COG5: variants seen among roughly 807,000 people sequenced by gnomAD.
COG5 encodes the protein conserved oligomeric Golgi complex subunit 5.
A neutral mutation model predicts 110.4 loss-of-function variants in COG5; 86 were observed. The observed-to-expected ratio is 0.78, with a 90% CI of 0.65 to 0.93. The LOEUF (loss-of-function observed/expected upper bound fraction) is 0.93, where lower values mean the gene tolerates loss of function less well. Ranked by LOEUF, COG5 falls within the 40% of genes least tolerant of loss-of-function variation. The pLI is 0.00. For missense variants in COG5, 1,077 were observed against 987.0 expected (o/e 1.09, Z -1.22); for synonymous variants, 360 against 334.6 (o/e 1.08, Z -0.83).
chr7:107,383,309 T>C (rs1815290641), intron 7 of COG5, among the ~76,000 whole-genome samples: 2 of 151,086 alleles, frequency 1.3e-5, no homozygotes, highest in South Asian at 4.2e-4. Flanking sequence ...GTCAAAGCCC[T>C]AGGAAAGAAA....
chr7:107,284,220 G>A (rs983914987), intron 12 of COG5, among the ~76,000 whole-genome samples: 7 of 152,224 alleles, frequency 4.6e-5, no homozygotes, highest in Admixed American at 6.5e-5. Context: ...AACCGTGCCC[G>A]GCCTATATTA....
intron 19 of COG5, among the ~76,000 whole-genome samples, chr7:107,216,340 C>A (rs1223576511): frequency 2.0e-5 from 3 of 152,170 alleles, no homozygotes; most frequent in Admixed American, 1.3e-4. Context: ...AACGGCAGAT[C>A]ATCCAGATAG....
chr7:107,509,098 T>C lies in COG5; in HGVS notation c.538+18139A>G, dbSNP rs185644339. 7.2e-5 allele frequency among the ~76,000 whole-genome samples: 11 copies of C among 152,124 alleles called. No individual in the cohort carries two copies. In the East Asian group the frequency reaches 9.7e-4, roughly 13 times the overall value. The stretch of plus-strand genomic sequence containing the variant: ...AAGGCTTCAGAAGATCAAACTACTC[T>C]GAGCTAAAGGAGAAAGTTCGAACCA... On this transcript the variant is annotated intron_variant, in intron 6 of 21. Transcript: ENST00000297135.
intron 6 of COG5, among the ~76,000 whole-genome samples, chr7:107,478,572 C>T (rs1797125834): frequency 1.3e-5 from 2 of 151,772 alleles, no homozygotes; most frequent in Non-Finnish European, 2.9e-5. Context: ...AATTGTACTA[C>T]TTTATTATTA....
intron 6 of COG5, among the ~76,000 whole-genome samples, chr7:107,479,253 G>C (rs1797174872): frequency 1.3e-5 from 2 of 152,072 alleles, no homozygotes; most frequent in South Asian, 4.1e-4. Flanking sequence ...TTGTTCTTTG[G>C]AAGAAAGGTA....
chr7:107,236,385 C>A lies in COG5; in HGVS notation c.2091+65G>T, dbSNP rs554645022. Reference sequence around the variant, plus strand: ...TTAAAAACACCGATGAAAACACATTCTTTCATTTAATAGATGATATTGAGG... The same window carrying A: ...TTAAAAACACCGATGAAAACACATTATTTCATTTAATAGATGATATTGAGG... On this transcript the variant is annotated intron_variant, in intron 18 of 21. Transcript: ENST00000297135. 15 of 1,164,850 alleles carry A rather than the reference C, an allele frequency of 1.3e-5. No homozygotes were observed. The South Asian group carries it at 1.5e-4, about 11-fold the overall frequency. 72.2% of individuals were successfully genotyped at this position (1,164,850 alleles called of 1,614,324 possible). A position where few individuals can be genotyped will look rare whatever the true frequency, so the allele number is the denominator to read the frequency against.
intron 11 of COG5, 94 bp downstream of exon 11, chr7:107,324,346 G>GT (rs1809571514): frequency 1.0e-5 from 8 of 784,938 alleles, no homozygotes; most frequent in Middle Eastern, 6.9e-4. Flanking sequence ...CAATAAAAAT[G>GT]TTTTGTAAAC....
At position 107,417,758 on chromosome 7, in the gene COG5, T is replaced by A. The variant is rs969814994; in HGVS notation, c.539-5126A>T. ...TGCTTCTATAAGAAATATGTTCTCA[T>A]TGATAGTCTAATCTAAGTTATGAAG... On this transcript the variant is annotated intron_variant, in intron 6 of 21. Transcript: ENST00000297135. 2.0e-5 allele frequency among the ~76,000 whole-genome samples: 3 copies of A among 152,238 alleles called. No individual in the cohort carries two copies. The East Asian group carries it at 5.8e-4, about 29-fold the overall frequency.
intron 7 of COG5, among the ~76,000 whole-genome samples, chr7:107,383,109 C>T (rs534085525): frequency 3.3e-5 from 5 of 152,298 alleles, no homozygotes; most frequent in South Asian, 4.1e-4. Context: ...CCAAGCACCA[C>T]GCACCCAAAT....
chr7:107,507,353 G>C (rs954271047), intron 6 of COG5, among the ~76,000 whole-genome samples: 7 of 149,310 alleles, frequency 4.7e-5, no homozygotes, highest in African/African-American at 1.7e-4. Context: ...GAGTGCAGTG[G>C]TGCAATCTCC....
At position 107,474,444 on chromosome 7, in the gene COG5, A is replaced by C. The variant is rs1203148157; in HGVS notation, c.538+52793T>G. ...CTTGTGTATCTTTTGCAAGTGTCTC[A>C]ACAGCAATCAACGTTTTTGCTATCA... On this transcript the variant is annotated intron_variant, in intron 6 of 21. Coordinates refer to ENST00000297135, the MANE Select transcript of COG5 (RefSeq NM_006348.5). This position sits in a 1 kb window ranked among gnomAD's most constrained non-coding sequence, Gnocchi z 5.7. 1 of 1,613,264 alleles carries C rather than the reference A, an allele frequency of 6.2e-7. No individual in the cohort carries two copies. Among genetic ancestry groups the C allele is most frequent in the East Asian group, 2.2e-5 (1 of 44,870 alleles).
At chr7:107,221,940 A>T (rs1405876023) in intron 19 of COG5, among the ~76,000 whole-genome samples, 1 of 152,188 alleles carries the variant, frequency 6.6e-6, no homozygotes, top group Non-Finnish European at 1.5e-5. Flanking sequence ...TATGGTTCGA[A>T]TATTTACATT....
chr7:107,207,902 C>T, intron 21 of COG5: 1 of 985,400 alleles, frequency 1.0e-6, no homozygotes, highest in Non-Finnish European at 1.2e-6. Flanking sequence ...CCTCAATTTG[C>T]CCTATTTTAT....
At chr7:107,294,936 CACACACACACACACAT>C in intron 12 of COG5, among the ~76,000 whole-genome samples, 1 of 113,566 alleles carries the variant, frequency 8.8e-6, no homozygotes, top group African/African-American at 3.1e-5. Context: ...TATATACACA[CACACACACACACACAT>C]ATATATATAC....
intron 13 of COG5, among the ~76,000 whole-genome samples, chr7:107,282,942 C>G (rs983987525): frequency 2.0e-5 from 3 of 152,212 alleles, no homozygotes; most frequent in Admixed American, 1.3e-4. Context: ...TACAGATCTA[C>G]TATTATGACA....
intron 8 of COG5, among the ~76,000 whole-genome samples, chr7:107,364,452 A>G (rs1048714120): frequency 2.0e-5 from 3 of 152,206 alleles, no homozygotes; most frequent in Non-Finnish European, 4.4e-5. Flanking sequence ...ACCTTAAATA[A>G]TATTAATGTA....
chr7:107,516,254 G>A (rs988934830), intron 6 of COG5, among the ~76,000 whole-genome samples: 11 of 152,062 alleles, frequency 7.2e-5, no homozygotes, highest in African/African-American at 2.4e-4. Flanking sequence ...TTACAGATGC[G>A]TATCTGTCAT....
rs73417465 is a variant in COG5 at position 107,475,407 on chromosome 7, A to C, written c.538+51830T>G. 5,781 of 909,064 alleles carry C rather than the reference A, an allele frequency of 6.4e-3. 229 individuals are homozygous for C. In the African/African-American group the frequency reaches 0.081, roughly 13 times the overall value. The allele number at this position is 909,064 out of a possible 1,614,324, so 56.3% of individuals were successfully genotyped here. A position where few individuals can be genotyped will look rare whatever the true frequency, so the allele number is the denominator to read the frequency against. On this transcript the variant is annotated intron_variant, in intron 6 of 21. Transcript: ENST00000297135. ...CAAATCCACATTCAAATGAGTTTTA[A>C]ATTTAAATTGTAAAAACTGATATTA...
chr7:107,558,080 C>G lies in COG5; in HGVS notation c.130G>C (p.Val44Leu), dbSNP rs766391263. 6.2e-7 allele frequency: 1 copy of G among 1,613,898 alleles called. No individual in the cohort carries two copies. The highest frequency in any genetic ancestry group is 1.1e-5 in the South Asian group (1 of 91,070). Reference sequence around the variant, plus strand: ...ATAGATTGAGAAGTATAAGTCTTTACATCAAAGTCTTCGTTTAAAAAGTCA... The same window carrying G: ...ATAGATTGAGAAGTATAAGTCTTTAGATCAAAGTCTTCGTTTAAAAAGTCA... The part of the protein sequence containing the change: ...YSDFLNEDFD[V>L]KTYTSQSIHQ... The change falls in exon 2 of 22, where the codon GTA (valine) becomes CTA (leucine). Residue 44 changes from valine (V) to leucine (L), a missense_variant. Coordinates refer to ENST00000297135, the MANE Select transcript of COG5 (RefSeq NM_006348.5).
Sources: allele counts gnomAD v4.1 joint callset (sites outside exome capture counted in the v4.1 genomes callset), GRCh38; gene constraint gnomAD v4.1.1; non-coding constraint Gnocchi (gnomAD v3.1); transcripts MANE v1.5; gene names NCBI Gene and HGNC (gene_info 2026-07-23, HGNC 2026-07-21).